MECOM: variants seen among roughly 807,000 people sequenced by gnomAD.
MECOM encodes the protein histone-lysine N-methyltransferase MECOM.
MECOM carries 13 observed loss-of-function variants against 116.3 expected under a neutral mutation model. That is an observed-to-expected ratio of 0.11 (90% CI 0.07 to 0.18). The LOEUF (loss-of-function observed/expected upper bound fraction) is 0.18. MECOM is among the 10% of genes least tolerant of loss of function. The pLI, the probability that MECOM is intolerant of heterozygous loss-of-function variation, is 1.00. For synonymous variants in MECOM, 528 were observed against 535.2 expected, an observed-to-expected ratio of 0.99 and a Z score of 0.19; for missense variants, 1,299 against 1,509.0, an observed-to-expected ratio of 0.86 and a Z score of 2.31.
chr3:169,579,293 G>A (rs1177261295), intron 1 of MECOM, among the ~76,000 whole-genome samples: 1 of 152,180 alleles, frequency 6.6e-6, no homozygotes, highest in Admixed American at 6.5e-5. Flanking sequence ...TAGAAATGAA[G>A]TAGCGTTGAA....
At chr3:169,320,230 C>T (rs372512506) in intron 2 of MECOM, among the ~76,000 whole-genome samples, 1 of 152,110 alleles carries the variant, frequency 6.6e-6, no homozygotes, top group Non-Finnish European at 1.5e-5. Context: ...AGGTTAAGGT[C>T]AGATATAATT....
intron 1 of MECOM, among the ~76,000 whole-genome samples, chr3:169,510,752 T>C (rs1755863903): frequency 6.6e-6 from 1 of 152,156 alleles, no homozygotes; most frequent in Non-Finnish European, 1.5e-5. Flanking sequence ...AAATGCAGTG[T>C]GGTCACTGGA....
At chr3:169,097,048 A>G (rs1372537882) in intron 12 of MECOM, among the ~76,000 whole-genome samples, 1 of 152,024 alleles carries the variant, frequency 6.6e-6, no homozygotes, top group African/African-American at 2.4e-5. Context: ...TGCAATGAGA[A>G]CCATGCTATA....
intron 2 of MECOM, among the ~76,000 whole-genome samples, chr3:169,228,189 C>A (rs984512676): frequency 6.6e-6 from 1 of 152,146 alleles, no homozygotes; most frequent in Non-Finnish European, 1.5e-5. Flanking sequence ...CGCAAATCTA[C>A]CACAGATTTG....
Position 169,381,390 on chromosome 3 carries a change from G to A in MECOM, c.172C>T (p.Pro58Ser). 1.2e-6 allele frequency: 2 copies of A among 1,613,902 alleles called. No individual in the cohort carries two copies. Among genetic ancestry groups the A allele is most frequent in the Non-Finnish European group, 1.7e-6 (2 of 1,179,822 alleles). ...GCTTTGTAAGGAGAACCCTCCTTTG[G>A]AGTGAATGCTTCACTGGATGTGGCA... The part of the protein sequence containing the change: ...SPATSSEAFT[P>S]KEGSPYKAPI... The change falls in exon 2 of 17, where the codon CCA becomes TCA. Residue 58 changes from proline (P) to serine (S), a missense_variant. By Grantham distance (74) the Pro-to-Ser change is moderately conservative. Transcript: ENST00000651503.
At chr3:169,462,928 A>C (rs57640071) in intron 1 of MECOM, among the ~76,000 whole-genome samples, 4 of 152,184 alleles carry the variant, frequency 2.6e-5, no homozygotes, top group Non-Finnish European at 2.9e-5. Context: ...CATGTAAGAA[A>C]CATAAAGGCT....
At chr3:169,480,455 C>G (rs1475266915) in intron 1 of MECOM, among the ~76,000 whole-genome samples, 1 of 152,182 alleles carries the variant, frequency 6.6e-6, no homozygotes, top group Non-Finnish European at 1.5e-5. Flanking sequence ...GCTCCCCCAA[C>G]CCCTTCCCCT....
Position 169,122,593 on chromosome 3 carries a change from T to TCACATTCATAGTGCTTTC in MECOM, c.947_964dup (p.Gly316_Cys321dup), listed in dbSNP as rs764346314. On this transcript the variant is annotated inframe_insertion, in exon 6 of 17. Transcript: ENST00000651503. Reference sequence around the variant, plus strand: ...AATTCACTGTACCTTGGCACAGTTTTCACATTCATAGTGCTTTCCACTGTC... The same window carrying TCACATTCATAGTGCTTTC: ...AATTCACTGTACCTTGGCACAGTTTTCACATTCATAGTGCTTTCCACATTCATAGTGCTTTCCACTGTC... The TCACATTCATAGTGCTTTC allele has an allele frequency of 6.2e-7, 1 of 1,613,916 alleles. No individual in the cohort carries two copies. The highest frequency in any genetic ancestry group is 1.3e-5 in the African/African-American group (1 of 74,936).
At chr3:169,237,610 CAAAAAA>C (rs775383808) in intron 2 of MECOM, among the ~76,000 whole-genome samples, 14 of 80,650 alleles carry the variant, frequency 1.7e-4, no homozygotes, top group African/African-American at 3.6e-4. Context: ...GTCTCCATCA[CAAAAAA>C]AAAAAAAAAA....
intron 1 of MECOM, among the ~76,000 whole-genome samples, chr3:169,547,506 C>A (rs1760870997): frequency 6.6e-6 from 1 of 152,094 alleles, no homozygotes; most frequent in Non-Finnish European, 1.5e-5. Context: ...TGGAGGCAAA[C>A]TAATCTGGGT....
At chr3:169,161,796 T>C (rs945452935) in intron 2 of MECOM, among the ~76,000 whole-genome samples, 1 of 152,144 alleles carries the variant, frequency 6.6e-6, no homozygotes, top group Non-Finnish European at 1.5e-5. Context: ...TCTCTCTCTC[T>C]CTCTCCCTGT....
chr3:169,373,533 C>T (rs78968241), intron 2 of MECOM, among the ~76,000 whole-genome samples: 9,267 of 151,920 alleles, frequency 0.061, 563 homozygotes, highest in Admixed American at 0.2. Context: ...GATTATATAA[C>T]GGCTAATGAC....
At position 169,631,931 on chromosome 3, in the gene MECOM, G is replaced by A. The variant is rs1192162531; in HGVS notation, c.37+31405C>T. ...GACATGGAACTACAAGGCTGAGTTT[G>A]TCTGCTCTTGTTGATGTTATTTTGC... is the stretch of plus-strand genomic sequence containing the variant. On this transcript the variant is annotated intron_variant, in intron 1 of 16. Transcript: ENST00000651503. Among the ~76,000 whole-genome samples the A allele has an allele frequency of 5.3e-5, 8 of 152,106 alleles. No homozygotes were observed. The South Asian group carries it at 1.5e-3, about 28-fold the overall frequency.
At chr3:169,386,738 C>T (rs1006201034) in intron 1 of MECOM, among the ~76,000 whole-genome samples, 1 of 152,000 alleles carries the variant, frequency 6.6e-6, no homozygotes, top group African/African-American at 2.4e-5. Context: ...TTTCAATTTC[C>T]TTAGGTTAGA....
intron 1 of MECOM, among the ~76,000 whole-genome samples, chr3:169,482,766 T>C (rs1179713425): frequency 6.6e-6 from 1 of 152,228 alleles, no homozygotes. Context: ...GAGCAGACTC[T>C]TGATTTTTTA....
At chr3:169,106,213 T>C (rs1725362379) in intron 10 of MECOM, among the ~76,000 whole-genome samples, 1 of 152,178 alleles carries the variant, frequency 6.6e-6, no homozygotes, top group Admixed American at 6.6e-5. Context: ...CATGGTCATA[T>C]GGGGGAGAAG....
intron 3 of MECOM, 112 bp from the exon 4 acceptor site, chr3:169,131,643 T>A: frequency 1.4e-6 from 1 of 740,380 alleles, no homozygotes. Flanking sequence ...AACAAACATC[T>A]TTTTCTTTTT....
chr3:169,381,417 G>A lies in MECOM; in HGVS notation c.145C>T (p.Pro49Ser), dbSNP rs1732363714. 1.2e-6 allele frequency: 2 copies of A among 1,613,864 alleles called. No homozygotes were observed. Among genetic ancestry groups the A allele is most frequent in the South Asian group, 1.1e-5 (1 of 91,084 alleles). ...GTGAATGCTTCACTGGATGTGGCAG[G>A]AGAGCATGGCTCTTGAATATTGAGG... ...PSLNIQEPCS[P>S]ATSSEAFTPK... The change falls in exon 2 of 17, where the codon CCT becomes TCT. Residue 49 changes from proline to serine, a missense_variant. This residue lies in a region of MECOM where 374 missense variants were observed against 433.4 expected (regional missense o/e 0.86). Coordinates refer to ENST00000651503, the MANE Select transcript of MECOM (RefSeq NM_004991.4).
intron 1 of MECOM, chr3:169,477,105 GTATATATATA>G (rs1166256593): frequency 5.5e-4 from 33 of 59,554 alleles, no homozygotes; most frequent in Non-Finnish European, 8.5e-4. Flanking sequence ...GTGTGTGTGT[GTATATATATA>G]TATATATATA....
Sources: gnomAD v4.1 joint callset for allele counts (sites outside exome capture counted in the v4.1 genomes callset) on GRCh38, gnomAD v4.1.1 for gene constraint, gnomAD v4.1.1 regional missense constraint, MANE v1.5 for transcripts, NCBI Gene and HGNC (gene_info 2026-07-23, HGNC 2026-07-21) for gene names.